ATP6V1H: variants seen among roughly 807,000 people sequenced by gnomAD.
ATP6V1H encodes V-type proton ATPase subunit H.
ATP6V1H carries 39 observed loss-of-function variants against 71.7 expected under a neutral mutation model. The observed-to-expected ratio is 0.54, with a 90% CI of 0.42 to 0.71. The LOEUF (loss-of-function observed/expected upper bound fraction) is 0.71. ATP6V1H is among the 30% of genes least tolerant of loss of function. ATP6V1H has a pLI of 0.00. For synonymous variants in ATP6V1H, 192 were observed against 199.3 expected (o/e 0.96, Z 0.31); for missense variants, 509 against 594.9 (o/e 0.86, Z 1.50).
intron 9 of ATP6V1H, among the ~76,000 whole-genome samples, chr8:53,774,151 A>G (rs1808778791): frequency 6.6e-6 from 1 of 152,270 alleles, no homozygotes; most frequent in South Asian, 2.1e-4. Flanking sequence ...TCAATCTCAG[A>G]GAAATTTTCA....
chr8:53,745,891 T>C (rs892966572), intron 12 of ATP6V1H, among the ~76,000 whole-genome samples: 11 of 152,244 alleles, frequency 7.2e-5, no homozygotes, highest in African/African-American at 2.7e-4. Flanking sequence ...TGTCCATGGA[T>C]AACTACAAAA....
At chr8:53,787,109 G>T (rs779228875) in intron 9 of ATP6V1H, among the ~76,000 whole-genome samples, 4 of 152,218 alleles carry the variant, frequency 2.6e-5, no homozygotes, top group Non-Finnish European at 4.4e-5. Context: ...TCCATTGCAG[G>T]TTACTAACAA....
chr8:53,767,153 G>A (rs535362327), intron 11 of ATP6V1H, among the ~76,000 whole-genome samples: 6 of 152,132 alleles, frequency 3.9e-5, no homozygotes, highest in Non-Finnish European at 8.8e-5. Flanking sequence ...TAGGAAAATA[G>A]AAAAGAACCT....
chr8:53,778,491 C>T (rs1177815596), intron 9 of ATP6V1H, among the ~76,000 whole-genome samples: 1 of 152,152 alleles, frequency 6.6e-6, no homozygotes, highest in East Asian at 1.9e-4. Context: ...CCCTCCTACC[C>T]TGGTACCCTT....
chr8:53,807,266 G>T (rs1238693248), intron 7 of ATP6V1H, among the ~76,000 whole-genome samples: 1 of 152,016 alleles, frequency 6.6e-6, no homozygotes, highest in Admixed American at 6.6e-5. Flanking sequence ...AGAACTGCCA[G>T]AGAAAACAAT....
In ATP6V1H at chr8:53,829,521, A is replaced by G; in HGVS notation, c.229T>C (p.Phe77Leu). ...QTEGSQCAKT[F>L]INLMTHICKE... is the part of the protein sequence containing the mutation. ...CAGATATGAGTCATCAGATTTATAA[A>G]TGTTTTAGCACACTAAAAAAAAAAA... Residue 77 changes from phenylalanine (F) to leucine (L), a missense_variant, in exon 4 of 14, where the codon TTT becomes CTT. Phe to Leu is a conservative substitution (Grantham distance 22). Transcript: ENST00000359530. 1 of 1,587,000 alleles carries G rather than the reference A, an allele frequency of 6.3e-7. No individual in the cohort carries two copies. Among genetic ancestry groups the G allele is most frequent in the Non-Finnish European group, 8.6e-7 (1 of 1,168,344 alleles).
intron 6 of ATP6V1H, among the ~76,000 whole-genome samples, chr8:53,811,436 A>T (rs73680314): frequency 0.017 from 2,656 of 152,328 alleles, 37 homozygotes; most frequent in African/African-American, 0.046. Context: ...ATCAGTAAGT[A>T]GCTAAAAATG....
In ATP6V1H at chr8:53,814,639, T is replaced by A. The variant is rs1273927120; in HGVS notation, c.525+23A>T. ...ACGGATGTTATATTCCTTTCAAAGG[T>A]ACTTTAAAAAATTTTCTTTTACCTG... On this transcript the variant is annotated intron_variant, in intron 6 of 13. Transcript: ENST00000359530. 2.4e-5 allele frequency: 31 copies of A among 1,298,124 alleles called. No homozygotes were observed. The Admixed American group carries it at 5.3e-4, about 22-fold the overall frequency. 80.4% of individuals were successfully genotyped at this position (1,298,124 alleles called of 1,614,324 possible).
chr8:53,766,311 C>G (rs1808461911), intron 11 of ATP6V1H, among the ~76,000 whole-genome samples: 1 of 152,214 alleles, frequency 6.6e-6, no homozygotes, highest in Non-Finnish European at 1.5e-5. Flanking sequence ...TATCACTTCC[C>G]CAATCAATAC....
chr8:53,727,176 G>A (rs1236022813), intron 13 of ATP6V1H, among the ~76,000 whole-genome samples: 2 of 152,144 alleles, frequency 1.3e-5, no homozygotes, highest in Non-Finnish European at 2.9e-5. Context: ...GCTCTTCAGG[G>A]CCTTGCCTCC....
intron 9 of ATP6V1H, among the ~76,000 whole-genome samples, chr8:53,785,978 G>A (rs899528366): frequency 1.1e-4 from 17 of 152,156 alleles, no homozygotes; most frequent in African/African-American, 3.1e-4. Context: ...TAGGCTACTC[G>A]GGGGTCAGGG....
chr8:53,830,852 G>A (rs761599689), intron 3 of ATP6V1H, among the ~76,000 whole-genome samples: 6 of 152,178 alleles, frequency 3.9e-5, no homozygotes, highest in African/African-American at 4.8e-5. Context: ...GACTCAGTGT[G>A]TATGTGCTGA....
chr8:53,765,531 G>T (rs1440662943), intron 11 of ATP6V1H, among the ~76,000 whole-genome samples: 3 of 128,630 alleles, frequency 2.3e-5, no homozygotes, highest in Non-Finnish European at 5.0e-5. Context: ...CAAAAAAAAA[G>T]AAAGAAAGAA....
At chr8:53,756,802 A>G in intron 11 of ATP6V1H, 146 bp from the exon 12 acceptor site, 1 of 540,888 alleles carries the variant, frequency 1.8e-6, no homozygotes, top group Non-Finnish European at 3.2e-6. Context: ...ATTAGACATA[A>G]GTTTGCAGTT....
intron 2 of ATP6V1H, among the ~76,000 whole-genome samples, chr8:53,838,301 T>C (rs1811228895): frequency 1.3e-5 from 2 of 152,034 alleles, no homozygotes; most frequent in African/African-American, 4.8e-5. Flanking sequence ...AATTTTTTAG[T>C]AGAGATGAGG....
At chr8:53,834,089 T>C (rs569596312) in intron 2 of ATP6V1H, among the ~76,000 whole-genome samples, 1 of 152,288 alleles carries the variant, frequency 6.6e-6, no homozygotes, top group East Asian at 1.9e-4. Context: ...GCTAGCCCCC[T>C]GTAAGACTCT....
At chr8:53,835,781 A>G (rs1422496861) in intron 2 of ATP6V1H, among the ~76,000 whole-genome samples, 1 of 152,130 alleles carries the variant, frequency 6.6e-6, no homozygotes, top group East Asian at 1.9e-4. Context: ...AGGTGACACT[A>G]TGACTACATC....
chr8:53,765,880 T>A (rs576836605), intron 11 of ATP6V1H, among the ~76,000 whole-genome samples: 1 of 152,310 alleles, frequency 6.6e-6, no homozygotes, highest in South Asian at 2.1e-4. Context: ...CACTACCAAC[T>A]TCAAGATTTA....
At chr8:53,803,984 G>C (rs1317052033) in intron 7 of ATP6V1H, among the ~76,000 whole-genome samples, 1 of 152,078 alleles carries the variant, frequency 6.6e-6, no homozygotes, top group African/African-American at 2.4e-5. Flanking sequence ...CTTTTCTGTG[G>C]CTACTCACCA....
Sources: gnomAD v4.1 joint callset for allele counts (sites outside exome capture counted in the v4.1 genomes callset) on GRCh38, gnomAD v4.1.1 for gene constraint, MANE v1.5 for transcripts, NCBI Gene and HGNC (gene_info 2026-07-23, HGNC 2026-07-21) for gene names.